The following UGP2 variants were observed in gnomAD, a reference collection of about 807,000 sequenced individuals.
UGP2 encodes UTP--glucose-1-phosphate uridylyltransferase.
A neutral mutation model predicts 49.0 loss-of-function variants in UGP2; 40 were observed. That is an observed-to-expected ratio of 0.82 (90% CI 0.63 to 1.06). UGP2 has a LOEUF of 1.06. UGP2 is among the 50% of genes least tolerant of loss of function. The pLI is 0.00. For missense variants in UGP2, 460 were observed against 603.5 expected (o/e 0.76, Z 2.49); for synonymous variants, 225 against 213.0 (o/e 1.06, Z -0.49).
chr2:63,877,978 C>T (rs562270280), intron 3 of UGP2, among the ~76,000 whole-genome samples: 12 of 107,436 alleles, frequency 1.1e-4, no homozygotes, highest in African/African-American at 2.5e-4. Context: ...CCGGCCTGGG[C>T]GACAGAGCGA....
intron 1 of UGP2, among the ~76,000 whole-genome samples, chr2:63,845,049 T>C (rs1003352318): frequency 6.6e-6 from 1 of 152,348 alleles, no homozygotes; most frequent in Non-Finnish European, 1.5e-5. Context: ...TCTAAATGAA[T>C]TTGTCATGGA....
intron 1 of UGP2, among the ~76,000 whole-genome samples, chr2:63,848,374 T>C (rs1668811524): frequency 6.6e-6 from 1 of 152,214 alleles, no homozygotes; most frequent in South Asian, 2.1e-4. Flanking sequence ...TTTATTTATT[T>C]ATTCATTGAG....
chr2:63,854,508 A>T (rs1013724320), intron 1 of UGP2, among the ~76,000 whole-genome samples: 9 of 152,204 alleles, frequency 5.9e-5, no homozygotes, highest in Admixed American at 3.9e-4. Flanking sequence ...GACCTTTCTT[A>T]AAAAATTCAG....
intron 1 of UGP2, among the ~76,000 whole-genome samples, chr2:63,842,791 A>G (rs940079522): frequency 1.3e-5 from 2 of 152,166 alleles, no homozygotes; most frequent in Admixed American, 6.5e-5. Context: ...TGAACTATGA[A>G]AAGATGATTA....
chr2:63,861,409 G>A (rs1279403194), intron 3 of UGP2, among the ~76,000 whole-genome samples: 1 of 151,954 alleles, frequency 6.6e-6, no homozygotes, highest in Non-Finnish European at 1.5e-5. Context: ...AAAACCTGTT[G>A]AAGTCACATG....
intron 3 of UGP2, among the ~76,000 whole-genome samples, chr2:63,861,166 T>TTA (rs951811004): frequency 3.3e-5 from 5 of 152,036 alleles, no homozygotes; most frequent in South Asian, 4.2e-4. Flanking sequence ...AAAAAAATTT[T>TTA]TATATATATA....
intron 9 of UGP2, 43 bp downstream of exon 9, chr2:63,890,228 T>C (rs1380338282): frequency 1.4e-6 from 2 of 1,416,292 alleles, no homozygotes; most frequent in Non-Finnish European, 2.0e-6. Flanking sequence ...CAGCTTACAA[T>C]ATAGGTCTCA....
intron 3 of UGP2, among the ~76,000 whole-genome samples, chr2:63,871,004 A>G (rs967155721): frequency 1.3e-5 from 2 of 152,272 alleles, no homozygotes; most frequent in Non-Finnish European, 2.9e-5. Flanking sequence ...GTGACTGCAC[A>G]TACACACACA....
chr2:63,885,652 A>G lies in UGP2; in HGVS notation c.639A>G (p.Glu213=). 6.2e-7 allele frequency: 1 copy of G among 1,611,618 alleles called. No homozygotes were observed. The highest frequency in any genetic ancestry group is 1.1e-5 in the South Asian group (1 of 90,608). ...CAAAGGACGTGTCTTACTCAGGGGA[A>G]AATACAGAAGCTTGGTACCCTCCAG... ...PVAKDVSYSG[E]NTEAWYPPGH... The change falls in exon 6 of 10, where the codon GAA becomes GAG. Residue 213 remains glutamate, a synonymous_variant. Coordinates refer to ENST00000337130, the MANE Select transcript of UGP2 (RefSeq NM_006759.4).
chr2:63,882,637 G>C lies in UGP2; in HGVS notation c.427G>C (p.Val143Leu), dbSNP rs144988193. Reference sequence around the variant, plus strand: ...TGAGAATACCTTTCTGGATCTGACTGTTCAGCAAATTGAAGTGAGTAACAT... The same window carrying C: ...TGAGAATACCTTTCTGGATCTGACTCTTCAGCAAATTGAAGTGAGTAACAT... Reference protein sequence around the residue: ...RNENTFLDLTVQQIEHLNKTY... With the variant: ...RNENTFLDLTLQQIEHLNKTY... Residue 143 changes from valine (V) to leucine (L), a missense_variant, in exon 4 of 10, where the codon GTT becomes CTT. Transcript: ENST00000337130. 41 of 1,569,332 alleles carry C rather than the reference G, an allele frequency of 2.6e-5. No individual in the cohort carries two copies. The African/African-American group carries it at 4.7e-4, about 18-fold the overall frequency.
At position 63,891,479 on chromosome 2, in the gene UGP2, A is replaced by G. The variant is rs1265923127; in HGVS notation, c.*252A>G. 3.5e-6 allele frequency: 1 copy of G among 281,866 alleles called. No homozygotes were observed. The highest frequency in any genetic ancestry group is 2.2e-5 in the African/African-American group (1 of 45,448). The allele number at this position is 281,866 out of a possible 1,614,324, so 17.5% of individuals were successfully genotyped here. ...TATTGTTTAATCTTAAAACTGGGCA[A>G]CTTTGGAAGAACTTTTAACAGAAGC... is the stretch of plus-strand genomic sequence containing the variant. On this transcript the variant is annotated 3_prime_UTR_variant, in exon 10 of 10. Coordinates refer to ENST00000337130, the MANE Select transcript of UGP2 (RefSeq NM_006759.4).
At chr2:63,848,238 C>G (rs1013607819) in intron 1 of UGP2, among the ~76,000 whole-genome samples, 1 of 152,162 alleles carries the variant, frequency 6.6e-6, no homozygotes, top group Non-Finnish European at 1.5e-5. Context: ...CCTACAATTT[C>G]TTTTCTAAAT....
chr2:63,862,717 G>A, intron 3 of UGP2: 2 of 431,778 alleles, frequency 4.6e-6, no homozygotes, highest in Non-Finnish European at 9.3e-6. Context: ...TCAGAGTGTG[G>A]GTTTAGGTGG....
At chr2:63,843,469 T>TGCAA (rs1459998964) in intron 1 of UGP2, among the ~76,000 whole-genome samples, 2 of 152,256 alleles carry the variant, frequency 1.3e-5, no homozygotes, top group Admixed American at 1.3e-4. Flanking sequence ...GGCGGTATTT[T>TGCAA]GCAAGAATAT....
chr2:63,862,490 A>G (rs915580808), intron 3 of UGP2, among the ~76,000 whole-genome samples: 3 of 152,150 alleles, frequency 2.0e-5, no homozygotes, highest in African/African-American at 7.2e-5. Context: ...TGATAAAGGA[A>G]CTGACAACAA....
chr2:63,890,200 T>C lies in UGP2; in HGVS notation c.1419+15T>C, dbSNP rs370067780. ...TTTCATTAAAGGTATGTTGTTACAA[T>C]GAAAATTATATTTCTTACAGCTTAC... On this transcript the variant is annotated intron_variant, in intron 9 of 9. Coordinates refer to ENST00000337130, the MANE Select transcript of UGP2 (RefSeq NM_006759.4). 3.2e-5 allele frequency: 50 copies of C among 1,563,696 alleles called. No individual in the cohort carries two copies. Among genetic ancestry groups the C allele is most frequent in the African/African-American group, 6.9e-5 (5 of 72,854 alleles).
At chr2:63,884,828 G>A (rs1047509522) in intron 5 of UGP2, among the ~76,000 whole-genome samples, 20 of 152,010 alleles carry the variant, frequency 1.3e-4, no homozygotes, top group African/African-American at 4.8e-4. Flanking sequence ...AGTATCACTT[G>A]AGCCCAGGAG....
At chr2:63,851,032 A>C (rs1669009164) in intron 1 of UGP2, among the ~76,000 whole-genome samples, 1 of 152,210 alleles carries the variant, frequency 6.6e-6, no homozygotes, top group Non-Finnish European at 1.5e-5. Context: ...ACATTGAATA[A>C]ATTTTTAAAA....
Position 63,856,327 on chromosome 2 carries a change from A to G in UGP2, c.41A>G (p.Gln14Arg), listed in dbSNP as rs867356760. 3 of 1,613,578 alleles carry G rather than the reference A, an allele frequency of 1.9e-6. No homozygotes were observed. Among genetic ancestry groups the G allele is most frequent in the Middle Eastern group, 3.3e-4 (2 of 6,084 alleles). The change falls in exon 2 of 10, where the codon CAA becomes CGA. Residue 14 changes from glutamine (Q) to arginine (R), a missense_variant. This residue lies in a region of UGP2 where 143 missense variants were observed against 130.4 expected (regional missense o/e 1.10). Transcript: ENST00000337130. Reference protein sequence around the residue: ...FVQDLSKAMSQDGASQFQEVI... With the variant: ...FVQDLSKAMSRDGASQFQEVI... ...TAAGATCTTAGCAAAGCAATGTCTCAAGATGGTGCTTCTCAGTTCCAAGAA... is the reference window on the plus strand; with the variant it reads ...TAAGATCTTAGCAAAGCAATGTCTCGAGATGGTGCTTCTCAGTTCCAAGAA...
Sources: gnomAD v4.1 joint callset for allele counts (sites outside exome capture counted in the v4.1 genomes callset) on GRCh38, gnomAD v4.1.1 for gene constraint, gnomAD v4.1.1 regional missense constraint, MANE v1.5 for transcripts, NCBI Gene and HGNC (gene_info 2026-07-23, HGNC 2026-07-21) for gene names.